PLOD1: variants seen among roughly 807,000 people sequenced by gnomAD.
PLOD1 encodes lysine hydroxylase.
Under a neutral mutation model 94.7 loss-of-function variants are expected in PLOD1, and 70 were observed. That is an observed-to-expected ratio of 0.74 (90% CI 0.61 to 0.90). The LOEUF (loss-of-function observed/expected upper bound fraction) is 0.90. Ranked by LOEUF, PLOD1 falls within the 40% of genes least tolerant of loss-of-function variation. The pLI, the probability that PLOD1 is intolerant of heterozygous loss-of-function variation, is 0.00. For synonymous variants in PLOD1, 417 were observed against 400.2 expected (o/e 1.04, Z -0.50); for missense variants, 905 against 972.7 (o/e 0.93, Z 0.93).
intron 16 of PLOD1, among the ~76,000 whole-genome samples, chr1:11,969,699 C>A (rs1457494135): frequency 6.6e-6 from 1 of 152,206 alleles, no homozygotes; most frequent in Non-Finnish European, 1.5e-5. Context: ...GGGGTCTCAT[C>A]TGAGGCCCAG....
At chr1:11,959,941 T>C (rs1333364574) in intron 9 of PLOD1, among the ~76,000 whole-genome samples, 1 of 149,984 alleles carries the variant, frequency 6.7e-6, no homozygotes, top group Non-Finnish European at 1.5e-5. Context: ...CTTTTTTTTT[T>C]TTTTTTGAGA....
At chr1:11,962,224 CTGG>C (rs1264093594) in intron 10 of PLOD1, among the ~76,000 whole-genome samples, 1 of 151,326 alleles carries the variant, frequency 6.6e-6, no homozygotes, top group African/African-American at 2.4e-5. Flanking sequence ...GCCACTGCAC[CTGG>C]TGATGACCTT....
chr1:11,965,721 A>T (rs1457865822), intron 14 of PLOD1, 128 bp downstream of exon 14: 1 of 654,168 alleles, frequency 1.5e-6, no homozygotes. Context: ...CCCTCCCTTC[A>T]CCCCAGGAGG....
intron 1 of PLOD1, chr1:11,944,595 G>A: frequency 7.3e-7 from 1 of 1,363,476 alleles, no homozygotes; most frequent in Non-Finnish European, 9.8e-7. Flanking sequence ...TCACCGTCCT[G>A]GCAGGAGCTC....
chr1:11,955,299 A>G (rs536847297), intron 6 of PLOD1, among the ~76,000 whole-genome samples: 2 of 152,222 alleles, frequency 1.3e-5, no homozygotes, highest in African/African-American at 4.8e-5. Context: ...TTGACCCTTG[A>G]TGCCGCAAAC....
At chr1:11,962,410 G>A (rs1319423241) in intron 10 of PLOD1, among the ~76,000 whole-genome samples, 1 of 151,186 alleles carries the variant, frequency 6.6e-6, no homozygotes, top group African/African-American at 2.4e-5. Flanking sequence ...CCGAGTAGCT[G>A]TGACTACAGG....
rs754574830 is a variant in PLOD1 at position 11,954,614 on chromosome 1, C to A, written c.580-216C>A. ...TCTTAGATTCCTTCCAGTTCAGAGT[C>A]CCTGGTTTTCTGTGAGTAGAGCCAC... On this transcript the variant is annotated intron_variant, in intron 5 of 18. Coordinates refer to ENST00000196061, the MANE Select transcript of PLOD1 (RefSeq NM_000302.4). 8 of 767,574 alleles carry A rather than the reference C, an allele frequency of 1.0e-5. No homozygotes were observed. In the East Asian group the frequency reaches 1.7e-4, roughly 17 times the overall value. The allele number at this position is 767,574 out of a possible 1,614,324, so 47.5% of individuals were successfully genotyped here. A position where few individuals can be genotyped will look rare whatever the true frequency, so the allele number is the denominator to read the frequency against.
At chr1:11,938,417 G>C (rs952911363) in intron 1 of PLOD1, among the ~76,000 whole-genome samples, 2 of 152,132 alleles carry the variant, frequency 1.3e-5, no homozygotes, top group Admixed American at 6.5e-5. Flanking sequence ...GGACGGGAAG[G>C]GGGTGCTGTT....
At chr1:11,959,618 A>ATTTTTTT (rs796969636) in intron 9 of PLOD1, among the ~76,000 whole-genome samples, 1 of 93,116 alleles carries the variant, frequency 1.1e-5, no homozygotes, top group Non-Finnish European at 2.4e-5. Context: ...AATTTTTTGT[A>ATTTTTTT]TTTTTTTTTT....
At position 11,972,489 on chromosome 1, in the gene PLOD1, G is replaced by A; in HGVS notation, c.1903-383G>A. The stretch of plus-strand genomic sequence containing the variant: ...GCTGGTCTCAAACTCCTGACCTCAG[G>A]TGATCCGCCCACCTTGGCCTCCCAA... On this transcript the variant is annotated intron_variant, in intron 17 of 18. Coordinates refer to ENST00000196061, the MANE Select transcript of PLOD1 (RefSeq NM_000302.4). This position sits in a 1 kb window ranked among gnomAD's most constrained non-coding sequence, Gnocchi z 4.6. The A allele has an allele frequency of 4.0e-6, 1 of 247,738 alleles. No homozygotes were observed. The highest frequency in any genetic ancestry group is 4.9e-5 in the South Asian group (1 of 20,334). 15.3% of individuals were successfully genotyped at this position (247,738 alleles called of 1,614,324 possible).
chr1:11,958,688 A>G lies in PLOD1; in HGVS notation c.975+41A>G, dbSNP rs750991262. On this transcript the variant is annotated intron_variant, in intron 9 of 18. Transcript: ENST00000196061. This position sits in a 1 kb window ranked among gnomAD's most constrained non-coding sequence, Gnocchi z 4.3. ...TCTGTGGGGTCGTCATGTGGCTTAG[A>G]TCCAGGGCCCAGCTTCACAAGGTAG... 6 of 1,612,710 alleles carry G rather than the reference A, an allele frequency of 3.7e-6. No homozygotes were observed. The highest frequency in any genetic ancestry group is 3.4e-6 in the Non-Finnish European group (4 of 1,179,530).
chr1:11,952,028 G>T (rs1645706714), intron 4 of PLOD1, among the ~76,000 whole-genome samples: 1 of 152,256 alleles, frequency 6.6e-6, no homozygotes, highest in Non-Finnish European at 1.5e-5. Flanking sequence ...ATGGGGATCT[G>T]CCATCTGCCC....
At chr1:11,969,034 T>A (rs1348897689) in intron 16 of PLOD1, among the ~76,000 whole-genome samples, 1 of 150,228 alleles carries the variant, frequency 6.7e-6, no homozygotes, top group Non-Finnish European at 1.5e-5. Flanking sequence ...TTTTTTTTTT[T>A]TTTTTTTTGA....
chr1:11,934,751 GT>G lies in PLOD1; in HGVS notation c.-28del, dbSNP rs1204442973. ...TTTCCAGCCCTGCGAGCGCCGCCGGGTCGGCCGATCGTCCCCCATACCTCGG... is the reference window on the plus strand; with the variant it reads ...TTTCCAGCCCTGCGAGCGCCGCCGGGCGGCCGATCGTCCCCCATACCTCGG... On this transcript the variant is annotated 5_prime_UTR_variant, in exon 1 of 19. Transcript: ENST00000196061. 2.6e-5 allele frequency: 40 copies of G among 1,522,540 alleles called. No homozygotes were observed. Among genetic ancestry groups the G allele is most frequent in the Non-Finnish European group, 3.5e-5 (40 of 1,141,346 alleles). 94.3% of individuals were successfully genotyped at this position (1,522,540 alleles called of 1,614,324 possible). A position where few individuals can be genotyped will look rare whatever the true frequency, so the allele number is the denominator to read the frequency against.
chr1:11,956,421 A>G (rs985302183), intron 6 of PLOD1, among the ~76,000 whole-genome samples: 1 of 152,080 alleles, frequency 6.6e-6, no homozygotes, highest in Non-Finnish European at 1.5e-5. Flanking sequence ...AAAAAACATG[A>G]GTATTGGAAC....
At position 11,954,959 on chromosome 1, in the gene PLOD1, C is replaced by A. The variant is rs778659599; in HGVS notation, c.643+66C>A. On this transcript the variant is annotated intron_variant, in intron 6 of 18. Transcript: ENST00000196061. ...TGATAGGAAGAATTCCAGGCAGGGC[C>A]CGAGCCCAGGGAGGAGAAATGGGCT... The A allele has an allele frequency of 2.3e-6, 3 of 1,280,610 alleles. 1 individual carries two copies. The highest frequency in any genetic ancestry group is 3.4e-5 in the Admixed American group (2 of 59,284). The allele number at this position is 1,280,610 out of a possible 1,614,324, so 79.3% of individuals were successfully genotyped here.
At position 11,974,709 on chromosome 1, in the gene PLOD1, C is replaced by G; in HGVS notation, c.2085C>G (p.Gly695=). 1.2e-6 allele frequency: 2 copies of G among 1,613,824 alleles called. No homozygotes were observed. Among genetic ancestry groups the G allele is most frequent in the Non-Finnish European group, 1.7e-6 (2 of 1,179,718 alleles). ...GTTCCATCCGAGCCCCAAGGAAGGG[C>G]TGGACCCTCATGCACCCTGGACGAC... ...YNCSIRAPRK[G]WTLMHPGRLT... The change falls in exon 19 of 19, where the codon GGC becomes GGG. Residue 695 remains glycine (G), a synonymous_variant. Transcript: ENST00000196061.
At position 11,949,786 on chromosome 1, in the gene PLOD1, G is replaced by A. The variant is rs1485759254; in HGVS notation, c.182G>A (p.Gly61Glu). The change falls in exon 3 of 19, where the codon GGG (glycine) becomes GAG (glutamate). Residue 61 changes from glycine (G) to glutamate (E), a missense_variant. Gly to Glu is a moderately conservative substitution (Grantham distance 98). Transcript: ENST00000196061. ...GTTTCTCTCCAGGCGCTTGGCCTAG[G>A]GGAGGACTGGAATGTGGAGAAGGGG... is the stretch of plus-strand genomic sequence containing the variant. ...FNYKIQALGLGEDWNVEKGTS... is the reference protein window; with the variant it reads ...FNYKIQALGLEEDWNVEKGTS... The A allele has an allele frequency of 7.4e-6, 12 of 1,613,774 alleles. No individual in the cohort carries two copies. Among genetic ancestry groups the A allele is most frequent in the South Asian group, 3.3e-5 (3 of 91,082 alleles).
chr1:11,936,014 A>C (rs781618318), intron 1 of PLOD1, among the ~76,000 whole-genome samples: 4 of 152,040 alleles, frequency 2.6e-5, no homozygotes, highest in Non-Finnish European at 2.9e-5. Context: ...TTTTTGGTGG[A>C]GATGGGGTTT....
Sources: gnomAD v4.1 joint callset for allele counts (sites outside exome capture counted in the v4.1 genomes callset) on GRCh38, gnomAD v4.1.1 for gene constraint, Gnocchi (gnomAD v3.1) non-coding constraint, MANE v1.5 for transcripts, NCBI Gene and HGNC (gene_info 2026-07-23, HGNC 2026-07-21) for gene names.